The following POLR1A variants were observed in gnomAD, a reference collection of about 807,000 sequenced individuals.
The protein encoded by POLR1A is RNA polymerase I subunit A, also known as DNA-directed RNA polymerase I subunit RPA1.
In POLR1A, 84 loss-of-function variants were observed where a neutral mutation model predicts 205.3. The observed-to-expected ratio is 0.41, with a 90% CI of 0.34 to 0.49. The LOEUF is 0.49. Ranked by LOEUF, POLR1A falls within the 20% of genes least tolerant of loss-of-function variation. The pLI is 0.22. For synonymous variants in POLR1A, 799 were observed against 863.7 expected, an observed-to-expected ratio of 0.93 and a Z score of 1.31; for missense variants, 1,645 against 2,204.5, an observed-to-expected ratio of 0.75 and a Z score of 5.08.
At chr2:86,043,576 C>A (rs940696401) in intron 22 of POLR1A, among the ~76,000 whole-genome samples, 44 of 152,210 alleles carry the variant, frequency 2.9e-4, no homozygotes, top group African/African-American at 9.9e-4. Context: ...ACCCTCAATT[C>A]TACCATCAGC....
intron 29 of POLR1A, 46 bp from the exon 30 acceptor site, chr2:86,031,681 T>C (rs762734810): frequency 8.3e-6 from 13 of 1,573,586 alleles, no homozygotes; most frequent in East Asian, 2.2e-5. Flanking sequence ...GGACCCACCA[T>C]CTACCTGGAC....
chr2:86,047,250 A>G lies in POLR1A; in HGVS notation c.2648T>C (p.Phe883Ser). Residue 883 changes from phenylalanine (F) to serine (S), a missense_variant, in exon 19 of 34, where the codon TTT becomes TCT. Phe to Ser is a radical substitution (Grantham distance 155, BLOSUM62 -2). Coordinates refer to ENST00000263857, the MANE Select transcript of POLR1A (RefSeq NM_015425.6). ...SNEINKACMP[F>S]GLHRQFPENS... ...CTCTGGGAACTGTCTGTGTAGGCCA[A>G]AAGGCATGCATGCCTGCAGATTAAA... is the stretch of plus-strand genomic sequence containing the variant. 2 of 1,613,144 alleles carry G rather than the reference A, an allele frequency of 1.2e-6. No individual in the cohort carries two copies. Among genetic ancestry groups the G allele is most frequent in the Non-Finnish European group, 1.7e-6 (2 of 1,179,126 alleles).
Position 86,028,132 on chromosome 2 carries a change from A to G in POLR1A, c.4898-83T>C. The G allele has an allele frequency of 7.6e-7, 1 of 1,309,198 alleles. No individual in the cohort carries two copies. Among genetic ancestry groups the G allele is most frequent in the African/African-American group, 1.4e-5 (1 of 69,120 alleles). The allele number at this position is 1,309,198 out of a possible 1,614,324, so 81.1% of individuals were successfully genotyped here. A position where few individuals can be genotyped will look rare whatever the true frequency, so the allele number is the denominator to read the frequency against. On this transcript the variant is annotated intron_variant, in intron 32 of 33. Coordinates refer to ENST00000263857, the MANE Select transcript of POLR1A (RefSeq NM_015425.6). This position sits in a 1 kb window ranked among gnomAD's most constrained non-coding sequence, Gnocchi z 4.5. ...CAGACACAAGCCAAGCTGCCTCCAC[A>G]TCAGCACATGGCTTGGGAGTTAGAC...
Position 86,045,698 on chromosome 2 carries a change from C to T in POLR1A, c.2805G>A (p.Leu935=), listed in dbSNP as rs1672697861. Reference sequence around the variant, plus strand: ...TGAACTCATAAGGCTCAAAGCAGGGCAGTGACTTGCCAGACGCCATCAGCG... The same window carrying T: ...TGAACTCATAAGGCTCAAAGCAGGGTAGTGACTTGCCAGACGCCATCAGCG... ...RPPLMASGKS[L]PCFEPYEFTP... Residue 935 remains leucine, a synonymous_variant, in exon 20 of 34, where the codon CTG becomes CTA. Coordinates refer to ENST00000263857, the MANE Select transcript of POLR1A (RefSeq NM_015425.6). 1 of 1,611,006 alleles carries T rather than the reference C, an allele frequency of 6.2e-7. No homozygotes were observed. The highest frequency in any genetic ancestry group is 1.1e-5 in the South Asian group (1 of 90,550).
chr2:86,080,863 GGGCCA>G lies in POLR1A; in HGVS notation c.1034_1038del (p.Met345ThrfsTer16). 6.2e-7 allele frequency: 1 copy of G among 1,614,008 alleles called. No homozygotes were observed. The highest frequency in any genetic ancestry group is 8.5e-7 in the Non-Finnish European group (1 of 1,179,968). ...ACTTCCTCTGGCAACTTCTGTTCTT[GGGCCA>G]TCAATGCCAGAAGTTTTCGAATCAG... On this transcript the variant is annotated frameshift_variant, in exon 9 of 34. Transcript: ENST00000263857. LOFTEE classifies it high-confidence loss of function.
intron 12 of POLR1A, among the ~76,000 whole-genome samples, chr2:86,071,221 CGTGTGCATGT>C (rs1435051579): frequency 3.4e-4 from 3 of 8,912 alleles, no homozygotes; most frequent in Admixed American, 3.0e-3. Context: ...TCTCTCTCTC[CGTGTGCATGT>C]GTGTGTGTGT....
intron 11 of POLR1A, among the ~76,000 whole-genome samples, chr2:86,075,514 T>C (rs991673594): frequency 6.6e-6 from 1 of 152,080 alleles, no homozygotes; most frequent in African/African-American, 2.4e-5. Context: ...TTTATATAAT[T>C]TTTTTTTCTT....
intron 1 of POLR1A, among the ~76,000 whole-genome samples, chr2:86,101,797 T>C (rs1422603212): frequency 6.6e-6 from 1 of 152,188 alleles, no homozygotes; most frequent in Non-Finnish European, 1.5e-5. Flanking sequence ...TATACAGTAA[T>C]TCTTCATCTC....
At chr2:86,039,597 G>T in intron 25 of POLR1A, 135 bp from the exon 26 acceptor site, 1 of 1,053,058 alleles carries the variant, frequency 9.5e-7, no homozygotes. Flanking sequence ...TAATATGCTA[G>T]ATCAGAGAAT....
intron 14 of POLR1A, among the ~76,000 whole-genome samples, chr2:86,055,378 C>T (rs1189062529): frequency 1.3e-5 from 2 of 152,158 alleles, no homozygotes; most frequent in African/African-American, 2.4e-5. Context: ...GAGCAGGGGA[C>T]AATGGACAAC....
intron 13 of POLR1A, among the ~76,000 whole-genome samples, chr2:86,067,654 A>T (rs1673105859): frequency 6.6e-6 from 1 of 152,238 alleles, no homozygotes; most frequent in South Asian, 2.1e-4. Flanking sequence ...TTATAAATAA[A>T]GAAATATGGA....
At chr2:86,054,347 A>G in intron 14 of POLR1A, 58 bp from the exon 15 acceptor site, 1 of 1,574,050 alleles carries the variant, frequency 6.4e-7, no homozygotes, top group African/African-American at 1.4e-5. Context: ...CAAAATGAGG[A>G]CAAACTGATG....
At chr2:86,103,901 G>A (rs907218927) in intron 1 of POLR1A, among the ~76,000 whole-genome samples, 1 of 152,208 alleles carries the variant, frequency 6.6e-6, no homozygotes, top group Non-Finnish European at 1.5e-5. Context: ...CCTTTTGGCT[G>A]AAAGGACACT....
intron 18 of POLR1A, 141 bp from the exon 19 acceptor site, chr2:86,047,404 G>C: frequency 1.6e-6 from 1 of 622,888 alleles, no homozygotes; most frequent in Non-Finnish European, 2.9e-6. Flanking sequence ...CGAGGTAAGA[G>C]AAAGCCTCAT....
chr2:86,065,570 T>C, intron 13 of POLR1A, 105 bp from the exon 14 acceptor site: 1 of 914,728 alleles, frequency 1.1e-6, no homozygotes, highest in South Asian at 1.6e-5. Flanking sequence ...AGAGCCCTTC[T>C]TATATCCCTG....
chr2:86,083,027 C>CT lies in POLR1A; in HGVS notation c.817+54_817+55insA. 2.3e-6 allele frequency: 3 copies of CT among 1,307,342 alleles called. No homozygotes were observed. In the South Asian group the frequency reaches 3.5e-5, roughly 15 times the overall value. 81.0% of individuals were successfully genotyped at this position (1,307,342 alleles called of 1,614,324 possible). Reference sequence around the variant, plus strand: ...AGTAATAAGGCAGGGTTAATGAGTCCAGGAAATAAAAGCCTAGAGAAGATC... The same window carrying CT: ...AGTAATAAGGCAGGGTTAATGAGTCCTAGGAAATAAAAGCCTAGAGAAGATC... On this transcript the variant is annotated intron_variant, in intron 7 of 33. Coordinates refer to ENST00000263857, the MANE Select transcript of POLR1A (RefSeq NM_015425.6).
rs1573826136 is a variant in POLR1A, at chr2:86,077,844, C to G, written c.1380+15G>C. 3 of 1,560,160 alleles carry G rather than the reference C, an allele frequency of 1.9e-6. No homozygotes were observed. The highest frequency in any genetic ancestry group is 1.7e-6 in the Non-Finnish European group (2 of 1,148,216). The stretch of plus-strand genomic sequence containing the variant: ...ACACACACACACACACACACACACA[C>G]ACACACACACACACCATGGGAATTC... On this transcript the variant is annotated intron_variant, in intron 11 of 33. Coordinates refer to ENST00000263857, the MANE Select transcript of POLR1A (RefSeq NM_015425.6).
At chr2:86,041,190 T>C (rs537959569) in intron 24 of POLR1A, among the ~76,000 whole-genome samples, 3,935 of 41,758 alleles carry the variant, frequency 0.094, 66 homozygotes, top group Middle Eastern at 0.14. Flanking sequence ...TGTGTGTGTG[T>C]GCGCGCTGAG....
At chr2:86,097,229 A>AAAAAAAG (rs1393928981) in intron 3 of POLR1A, among the ~76,000 whole-genome samples, 2 of 147,004 alleles carry the variant, frequency 1.4e-5, no homozygotes, top group Non-Finnish European at 3.0e-5. Context: ...AAAAAAAAAA[A>AAAAAAAG]AAAAAAAAAA....
Sources: allele counts gnomAD v4.1 joint callset (sites outside exome capture counted in the v4.1 genomes callset), GRCh38; gene constraint gnomAD v4.1.1; non-coding constraint Gnocchi (gnomAD v3.1); transcripts MANE v1.5; gene names NCBI Gene and HGNC (gene_info 2026-07-23, HGNC 2026-07-21).